PRH1: variants seen among roughly 807,000 people sequenced by gnomAD.
The protein encoded by PRH1 is proline rich protein HaeIII subfamily 1, also known as salivary acidic proline-rich phosphoprotein 1/2.
In PRH1, 7 loss-of-function variants were observed where a neutral mutation model predicts 7.9. The observed-to-expected ratio is 0.89, with a 90% CI of 0.50 to 1.67. The LOEUF is 1.67. Among genes scored for constraint, PRH1 ranks in the 40% most tolerant of loss-of-function variants. The pLI is 0.00. For synonymous variants in PRH1, 45 were observed against 80.8 expected, an observed-to-expected ratio of 0.56 and a Z score of 2.38; for missense variants, 109 against 223.6, an observed-to-expected ratio of 0.49 and a Z score of 3.27.
At chr12:11,134,218 A>G (rs1449566974) in intron 1 of PRH1, 1 of 1,613,222 alleles carries the variant, frequency 6.2e-7, no homozygotes, top group African/African-American at 1.3e-5. Flanking sequence ...TTAGAATGGA[A>G]AAAATGATGG....
At chr12:10,991,919 T>A (rs1293410101) in intron 1 of PRH1, among the ~76,000 whole-genome samples, 1 of 152,114 alleles carries the variant, frequency 6.6e-6, no homozygotes, top group African/African-American at 2.4e-5. Context: ...TTATCGGTGA[T>A]CTTGCAAATG....
At chr12:11,006,214 T>C (rs555330128) in intron 1 of PRH1, 1 of 150,220 alleles carries the variant, frequency 6.7e-6, no homozygotes, top group East Asian at 2.1e-4. Flanking sequence ...TATCTTTGGG[T>C]AGTCTTTGTG....
intron 1 of PRH1, among the ~76,000 whole-genome samples, chr12:11,103,852 C>A (rs1397806189): frequency 4.3e-4 from 20 of 46,636 alleles, no homozygotes; most frequent in Non-Finnish European, 1.2e-3. Flanking sequence ...ATTTTAACAC[C>A]TAAAGAAATT....
chr12:11,049,998 C>G (rs1943078288), upstream of PRH1, among the ~76,000 whole-genome samples: 1 of 152,090 alleles, frequency 6.6e-6, no homozygotes, highest in Non-Finnish European at 1.5e-5. Flanking sequence ...AGGAGGTCAT[C>G]TAGGTGGAAT....
At chr12:11,103,198 A>C (rs61912110) in intron 1 of PRH1, among the ~76,000 whole-genome samples, 68,752 of 151,496 alleles carry the variant, frequency 0.45, 16,371 homozygotes, top group Non-Finnish European at 0.52. Context: ...TGGATATATA[A>C]ACGAAGGATT....
At chr12:11,150,263 G>T (rs1447858275) in intron 1 of PRH1, among the ~76,000 whole-genome samples, 2 of 151,764 alleles carry the variant, frequency 1.3e-5, no homozygotes, top group East Asian at 3.9e-4. Flanking sequence ...TCAGTGTGGC[G>T]ATTCCTCAGG....
intron 1 of PRH1, chr12:11,171,301 G>T (rs868551152): frequency 8.7e-7 from 1 of 1,143,806 alleles, no homozygotes; most frequent in Non-Finnish European, 1.1e-6. Context: ...TAGGAGGTCC[G>T]CGGGCCCTGC....
At position 11,087,318 on chromosome 12, in the gene PRH1, T is replaced by C. The variant is rs1449207133; in HGVS notation, n.124-40130A>G. 4.3e-5 allele frequency among the ~76,000 whole-genome samples: 5 copies of C among 117,324 alleles called. 1 individual carries two copies. Among genetic ancestry groups the C allele is most frequent in the Admixed American group, 4.2e-4 (5 of 11,818 alleles). 77.0% of individuals were successfully genotyped at this position (117,324 alleles called of 152,430 possible). A position where few individuals can be genotyped will look rare whatever the true frequency, so the allele number is the denominator to read the frequency against. ...AGTTTCCATATGTTGCAAAGGGAACTCCTGCTCTCAAGGGGTCCTCCCACC... is the reference window on the plus strand; with the variant it reads ...AGTTTCCATATGTTGCAAAGGGAACCCCTGCTCTCAAGGGGTCCTCCCACC... On this transcript the variant is annotated intron_variant and non_coding_transcript_variant, in intron 1 of 4. Coordinates refer to the PRH1 transcript ENST00000541977.
chr12:11,017,771 G>A (rs1238535769), intron 1 of PRH1, among the ~76,000 whole-genome samples: 1 of 152,048 alleles, frequency 6.6e-6, no homozygotes, highest in Admixed American at 6.6e-5. Flanking sequence ...GGTATTACAG[G>A]CGTGAACCAC....
chr12:11,138,981 A>C (rs1011856270), intron 1 of PRH1, among the ~76,000 whole-genome samples: 1 of 152,186 alleles, frequency 6.6e-6, no homozygotes, highest in Admixed American at 6.5e-5. Flanking sequence ...CAGAGGTTGC[A>C]TTGAGCCGCG....
At chr12:10,970,933 A>C (rs1041801926) in intron 2 of PRH1, among the ~76,000 whole-genome samples, 1 of 152,240 alleles carries the variant, frequency 6.6e-6, no homozygotes, top group African/African-American at 2.4e-5. Context: ...AAAAACTCTA[A>C]TAATTACAGT....
chr12:11,010,031 T>G (rs1178268126), intron 1 of PRH1, among the ~76,000 whole-genome samples: 1 of 151,952 alleles, frequency 6.6e-6, no homozygotes, highest in African/African-American at 2.4e-5. Flanking sequence ...TAATTGCCTT[T>G]CTAATTAAGG....
chr12:11,009,116 A>T (rs1940959568), intron 1 of PRH1, among the ~76,000 whole-genome samples: 1 of 151,666 alleles, frequency 6.6e-6, no homozygotes, highest in Admixed American at 6.6e-5. Context: ...TCCTTCTTGC[A>T]TGCTCAATTT....
At chr12:11,111,461 C>T (rs1945588785) in intron 1 of PRH1, among the ~76,000 whole-genome samples, 1 of 152,168 alleles carries the variant, frequency 6.6e-6, no homozygotes, top group South Asian at 2.1e-4. Flanking sequence ...TCTCTCATAC[C>T]ACAGTGCAAT....
At chr12:10,969,828 C>A (rs1192182217) in intron 2 of PRH1, among the ~76,000 whole-genome samples, 1 of 152,086 alleles carries the variant, frequency 6.6e-6, no homozygotes, top group African/African-American at 2.4e-5. Context: ...GAGATGGAGT[C>A]TCACTCTGTT....
chr12:11,063,335 A>C lies in PRH1; in HGVS notation n.124-16147T>G, dbSNP rs549066598. Among the ~76,000 whole-genome samples the C allele has an allele frequency of 3.4e-4, 52 of 152,172 alleles. 1 individual carries two copies. The highest frequency in any genetic ancestry group is 1.3e-3 in the African/African-American group (52 of 41,548). On this transcript the variant is annotated intron_variant and non_coding_transcript_variant, in intron 1 of 4. Coordinates refer to the PRH1 transcript ENST00000541977. ...GAAAATTACTACACTTTGCATAGAG[A>C]TTTCAGATGGCTTCCATAATGGGGA... is the stretch of plus-strand genomic sequence containing the variant.
chr12:11,162,445 G>A (rs1412780630), intron 1 of PRH1, among the ~76,000 whole-genome samples: 3 of 152,140 alleles, frequency 2.0e-5, no homozygotes, highest in African/African-American at 7.2e-5. Flanking sequence ...CCCAGACCAT[G>A]AGGGACTACA....
At chr12:10,895,587 A>G (rs1000311883) in intron 2 of PRH1, 2 of 152,202 alleles carry the variant, frequency 1.3e-5, no homozygotes, top group African/African-American at 4.8e-5. Flanking sequence ...CAAGTGGTAC[A>G]GGACAGGCAG....
chr12:11,105,889 A>G (rs1223263602), intron 1 of PRH1, among the ~76,000 whole-genome samples: 1 of 152,062 alleles, frequency 6.6e-6, no homozygotes, highest in Non-Finnish European at 1.5e-5. Flanking sequence ...AGAAAGGCCA[A>G]TAATTCTTAA....
Sources: gnomAD v4.1 joint callset for allele counts (sites outside exome capture counted in the v4.1 genomes callset) on GRCh38, gnomAD v4.1.1 for gene constraint, MANE v1.5 for transcripts, NCBI Gene and HGNC (gene_info 2026-07-23, HGNC 2026-07-21) for gene names.